CAPN1: variants seen among roughly 807,000 people sequenced by gnomAD.
CAPN1 encodes calpain 1, also known as calpain-1 catalytic subunit.
Under a neutral mutation model 105.2 loss-of-function variants are expected in CAPN1, and 77 were observed. The ratio of observed to expected loss-of-function variants is 0.73; its 90% confidence interval spans 0.61 to 0.88. The LOEUF (loss-of-function observed/expected upper bound fraction) is 0.88, where lower values mean the gene tolerates loss of function less well. CAPN1 is among the 40% of genes least tolerant of loss of function. The probability of loss-of-function intolerance (pLI) is 0.00; values close to 1 mark genes in which losing one functional copy is unlikely to be tolerated. For missense variants in CAPN1, 833 were observed against 976.6 expected (o/e 0.85, Z 1.96); for synonymous variants, 355 against 388.8 (o/e 0.91, Z 1.02).
chr11:65,206,271 G>T, intron 12 of CAPN1, 192 bp from the exon 13 acceptor site: 1 of 603,040 alleles, frequency 1.7e-6, no homozygotes, highest in Non-Finnish European at 3.0e-6. Flanking sequence ...AGTGAGTAGG[G>T]TTGTTACATT....
At chr11:65,205,254 G>T (rs1351444019) in intron 11 of CAPN1, among the ~76,000 whole-genome samples, 2 of 152,310 alleles carry the variant, frequency 1.3e-5, no homozygotes, top group Admixed American at 6.5e-5. Flanking sequence ...CCAAGGTGAG[G>T]CTGTGCCAGT....
chr11:65,188,076 G>C lies in CAPN1; in HGVS notation c.929+36G>C. 1 of 1,430,564 alleles carries C rather than the reference G, an allele frequency of 7.0e-7. No individual in the cohort carries two copies. The highest frequency in any genetic ancestry group is 9.5e-7 in the Non-Finnish European group (1 of 1,048,298). 88.6% of individuals were successfully genotyped at this position (1,430,564 alleles called of 1,614,324 possible). A position where few individuals can be genotyped will look rare whatever the true frequency, so the allele number is the denominator to read the frequency against. On this transcript the variant is annotated intron_variant, in intron 8 of 21. Transcript: ENST00000279247. This position sits in a 1 kb window ranked among gnomAD's most constrained non-coding sequence, Gnocchi z 5.5. ...GTGGGCACTGTCTGGAGTGCCTTGGGGAAACTGTTAGGTGCCCCGACATTT... is the reference window on the plus strand; with the variant it reads ...GTGGGCACTGTCTGGAGTGCCTTGGCGAAACTGTTAGGTGCCCCGACATTT...
Position 65,211,047 on chromosome 11 carries a change from AG to A in CAPN1, c.2118+177del, listed in dbSNP as rs996995201. On this transcript the variant is annotated intron_variant, in intron 21 of 21. Coordinates refer to ENST00000279247, the MANE Select transcript of CAPN1 (RefSeq NM_005186.4). ...GGTGGGGGTGTCTGGATTCTGGGAA[AG>A]GAGCAGGAGGGGAGGTCCAGGCCCT... The A allele has an allele frequency of 7.6e-5, 56 of 741,070 alleles. No individual in the cohort carries two copies. In the Admixed American group the frequency reaches 1.3e-3, roughly 17 times the overall value. 45.9% of individuals were successfully genotyped at this position (741,070 alleles called of 1,614,324 possible).
intron 11 of CAPN1, 85 bp downstream of exon 11, chr11:65,204,943 C>T (rs1948932371): frequency 1.8e-6 from 2 of 1,082,154 alleles, no homozygotes; most frequent in Admixed American, 2.3e-5. Flanking sequence ...GGGCTTCCAC[C>T]AGGGGGCGCC....
Position 65,183,999 on chromosome 11 carries a change from G to A in CAPN1, c.456+407G>A, listed in dbSNP as rs17885809. Among the ~76,000 whole-genome samples, 1,403 of 152,264 alleles carry A rather than the reference G, an allele frequency of 9.2e-3. 22 individuals are homozygous for A. Among genetic ancestry groups the A allele is most frequent in the African/African-American group, 0.032 (1,330 of 41,538 alleles). On this transcript the variant is annotated intron_variant, in intron 4 of 21. Coordinates refer to ENST00000279247, the MANE Select transcript of CAPN1 (RefSeq NM_005186.4). ...CCCAACTCCTCCTGCGCTTTGGCAAGGTCTGACTGAGCCCAGCAGAAAAGA... is the reference window on the plus strand; with the variant it reads ...CCCAACTCCTCCTGCGCTTTGGCAAAGTCTGACTGAGCCCAGCAGAAAAGA...
At position 65,187,332 on chromosome 11, in the gene CAPN1, G is replaced by A. The variant is rs11828131; in HGVS notation, c.843+34G>A. 20,904 of 1,479,592 alleles carry A rather than the reference G, an allele frequency of 0.014. 2,291 individuals are homozygous for A. The African/African-American group carries it at 0.25, about 17-fold the overall frequency. The allele number at this position is 1,479,592 out of a possible 1,614,324, so 91.7% of individuals were successfully genotyped here. Reference sequence around the variant, plus strand: ...CTGGGTGGGGCCTTCCCTGAAGGGCGGTTCCTGCCCCCTGGCCTGTCCTTG... The same window carrying A: ...CTGGGTGGGGCCTTCCCTGAAGGGCAGTTCCTGCCCCCTGGCCTGTCCTTG... On this transcript the variant is annotated intron_variant, in intron 7 of 21. Transcript: ENST00000279247.
chr11:65,202,040 G>T (rs965589989), intron 10 of CAPN1, among the ~76,000 whole-genome samples: 1 of 150,238 alleles, frequency 6.7e-6, no homozygotes, highest in African/African-American at 2.4e-5. Flanking sequence ...GGCCAGGCTG[G>T]TCTCAAACTC....
In CAPN1 at chr11:65,188,544, G is replaced by T. The variant is rs749806297; in HGVS notation, c.1005-42G>T. 1 of 1,613,504 alleles carries T rather than the reference G, an allele frequency of 6.2e-7. No individual in the cohort carries two copies. Among genetic ancestry groups the T allele is most frequent in the South Asian group, 1.1e-5 (1 of 91,026 alleles). On this transcript the variant is annotated intron_variant, in intron 9 of 21. Transcript: ENST00000279247. The surrounding 1 kb of genome is among the most constrained non-coding windows in gnomAD (Gnocchi z 5.5). The stretch of plus-strand genomic sequence containing the variant: ...CTCCACCCCTACACATCAGCTCTGT[G>T]CCCTGACGGGCTGTGCCTCACCTGT...
Position 65,183,601 on chromosome 11 carries a change from TCC to T in CAPN1, c.456+12_456+13del, listed in dbSNP as rs1286008048. On this transcript the variant is annotated intron_variant, in intron 4 of 21. Coordinates refer to ENST00000279247, the MANE Select transcript of CAPN1 (RefSeq NM_005186.4). Reference sequence around the variant, plus strand: ...GCATCTTCCATTTCCAGGTGAGGGCTCCCCTGGGGAGGAGGGGCAGCAGGCAC... The same window carrying T: ...GCATCTTCCATTTCCAGGTGAGGGCTCCTGGGGAGGAGGGGCAGCAGGCAC... 1 of 1,591,016 alleles carries T rather than the reference TCC, an allele frequency of 6.3e-7. No individual in the cohort carries two copies. Among genetic ancestry groups the T allele is most frequent in the Non-Finnish European group, 8.6e-7 (1 of 1,159,376 alleles).
Position 65,206,582 on chromosome 11 carries a change from C to A in CAPN1, c.1473C>A (p.Pro491=). 7.4e-6 allele frequency: 12 copies of A among 1,613,478 alleles called. No homozygotes were observed. The highest frequency in any genetic ancestry group is 1.0e-5 in the Non-Finnish European group (12 of 1,179,874). The change falls in exon 13 of 22, where the codon CCC becomes CCA. Residue 491 remains proline, a synonymous_variant. Transcript: ENST00000279247. ...REVSTRFRLP[P]GEYVVVPSTF... is the part of the protein sequence containing the mutation. Reference sequence around the variant, plus strand: ...TCAGCACCCGCTTCCGCCTGCCACCCGGGGAGTATGTGGTGGTGCCCTCCA... The same window carrying A: ...TCAGCACCCGCTTCCGCCTGCCACCAGGGGAGTATGTGGTGGTGCCCTCCA...
At position 65,210,016 on chromosome 11, in the gene CAPN1, A is replaced by G; in HGVS notation, c.1864-2A>G. Reference sequence around the variant, plus strand: ...GGCCCTCACCCTCTGCCGCCACCTCAGTCCATCTTCCGGAAGTTTGACCTG... The same window carrying G: ...GGCCCTCACCCTCTGCCGCCACCTCGGTCCATCTTCCGGAAGTTTGACCTG... On this transcript the variant is annotated splice_acceptor_variant, in intron 18 of 21. Coordinates refer to ENST00000279247, the MANE Select transcript of CAPN1 (RefSeq NM_005186.4). LOFTEE classifies it high-confidence loss of function. The surrounding 1 kb of genome is among the most constrained non-coding windows in gnomAD (Gnocchi z 4.3). The G allele has an allele frequency of 6.2e-7, 1 of 1,613,116 alleles. No homozygotes were observed. The highest frequency in any genetic ancestry group is 8.5e-7 in the Non-Finnish European group (1 of 1,179,800).
intron 10 of CAPN1, among the ~76,000 whole-genome samples, chr11:65,196,068 G>C (rs1948789309): frequency 6.6e-6 from 1 of 151,950 alleles, no homozygotes; most frequent in Non-Finnish European, 1.5e-5. Flanking sequence ...GGCTGGTAGT[G>C]ATGTCCCTCT....
chr11:65,209,277 C>T lies in CAPN1; in HGVS notation c.1730-46C>T. 1 of 1,537,894 alleles carries T rather than the reference C, an allele frequency of 6.5e-7. No individual in the cohort carries two copies. The highest frequency in any genetic ancestry group is 1.1e-5 in the South Asian group (1 of 87,768). ...CCAGTGCTCCCAGCAGGGGCAGGTG[C>T]AGGAAGCTCACTAGGTGGAGATGTT... On this transcript the variant is annotated intron_variant, in intron 16 of 21. Coordinates refer to ENST00000279247, the MANE Select transcript of CAPN1 (RefSeq NM_005186.4). This position sits in a 1 kb window ranked among gnomAD's most constrained non-coding sequence, Gnocchi z 4.1.
intron 1 of CAPN1, 183 bp from the exon 2 acceptor site, chr11:65,182,518 T>C: frequency 1.6e-6 from 1 of 608,480 alleles, no homozygotes; most frequent in South Asian, 2.6e-5. Flanking sequence ...ATCCCTTTCC[T>C]GGATTCACTG....
rs1399229361 is a variant in CAPN1 at position 65,183,606 on chromosome 11, T to G, written c.456+14T>G. On this transcript the variant is annotated intron_variant, in intron 4 of 21. Transcript: ENST00000279247. ...TTCCATTTCCAGGTGAGGGCTCCCC[T>G]GGGGAGGAGGGGCAGCAGGCACTGG... The G allele has an allele frequency of 6.4e-7, 1 of 1,569,326 alleles. No individual in the cohort carries two copies. Among genetic ancestry groups the G allele is most frequent in the Admixed American group, 1.7e-5 (1 of 59,866 alleles).
At position 65,210,019 on chromosome 11, in the gene CAPN1, C is replaced by T; in HGVS notation, c.1865C>T (p.Ser622Phe). 1 of 1,613,152 alleles carries T rather than the reference C, an allele frequency of 6.2e-7. No individual in the cohort carries two copies. The highest frequency in any genetic ancestry group is 8.5e-7 in the Non-Finnish European group (1 of 1,179,818). Residue 622 changes from serine (S) to phenylalanine (F), a missense_variant and splice_region_variant, in exon 19 of 22, where the codon TCC becomes TTC. Transcript: ENST00000279247. The surrounding 1 kb of genome is among the most constrained non-coding windows in gnomAD (Gnocchi z 4.3). The stretch of plus-strand genomic sequence containing the variant: ...CCTCACCCTCTGCCGCCACCTCAGT[C>T]CATCTTCCGGAAGTTTGACCTGGAC... ...ILWNRIRNYL[S>F]IFRKFDLDKS...
In CAPN1 at chr11:65,186,250, G is replaced by A. The variant is rs2137318717; in HGVS notation, c.671G>A (p.Trp224Ter). The change falls in exon 6 of 22, where the codon TGG (tryptophan) becomes TAG (stop). Residue 224 changes from tryptophan to a stop codon, truncating the protein, a stop_gained. Transcript: ENST00000279247. LOFTEE classifies it high-confidence loss of function. Reference sequence around the variant, plus strand: ...GACTTCACAGGCGGGGTTACCGAGTGGTACGAGTTGCGCAAGGCTCCCAGT... The same window carrying A: ...GACTTCACAGGCGGGGTTACCGAGTAGTACGAGTTGCGCAAGGCTCCCAGT... ...FEDFTGGVTE[W>*]YELRKAPSDL... 6.2e-7 allele frequency: 1 copy of A among 1,613,550 alleles called. No homozygotes were observed. The highest frequency in any genetic ancestry group is 8.5e-7 in the Non-Finnish European group (1 of 1,179,668).
At position 65,204,798 on chromosome 11, in the gene CAPN1, C is replaced by A. The variant is rs1948927140; in HGVS notation, c.1281C>A (p.His427Gln). ...CSFVLALMQK[H>Q]RRRERRFGRD... is the part of the protein sequence containing the mutation. ...TCGTGCTCGCCCTTATGCAGAAGCA[C>A]CGTCGCCGCGAGCGCCGCTTCGGCC... The change falls in exon 11 of 22, where the codon CAC becomes CAA. Residue 427 changes from histidine (H) to glutamine (Q), a missense_variant. Transcript: ENST00000279247. 1 of 1,612,648 alleles carries A rather than the reference C, an allele frequency of 6.2e-7. No individual in the cohort carries two copies. Among genetic ancestry groups the A allele is most frequent in the Non-Finnish European group, 8.5e-7 (1 of 1,179,618 alleles).
chr11:65,201,830 T>TC (rs1325716488), intron 10 of CAPN1, among the ~76,000 whole-genome samples: 1 of 147,126 alleles, frequency 6.8e-6, no homozygotes, highest in African/African-American at 2.5e-5. Flanking sequence ...TGTTTTTGTT[T>TC]TTTTTTTTTT....
Sources: gnomAD v4.1 joint callset for allele counts (sites outside exome capture counted in the v4.1 genomes callset) on GRCh38, gnomAD v4.1.1 for gene constraint, Gnocchi (gnomAD v3.1) non-coding constraint, MANE v1.5 for transcripts, NCBI Gene and HGNC (gene_info 2026-07-23, HGNC 2026-07-21) for gene names.